GRID2: variants seen among roughly 807,000 people sequenced by gnomAD.
GRID2 encodes the protein glutamate receptor ionotropic, delta-2.
Under a neutral mutation model 114.8 loss-of-function variants are expected in GRID2, and 33 were observed. The observed-to-expected ratio is 0.29, with a 90% CI of 0.22 to 0.38. The LOEUF is 0.38. Among genes scored for constraint, GRID2 ranks in the 10% least tolerant of loss-of-function variants. The pLI is 1.00. For synonymous variants in GRID2, 505 were observed against 449.9 expected, an observed-to-expected ratio of 1.12 and a Z score of -1.55; for missense variants, 1,184 against 1,257.7, an observed-to-expected ratio of 0.94 and a Z score of 0.89.
At chr4:93,697,729 C>T (rs1301795519) in intron 14 of GRID2, among the ~76,000 whole-genome samples, 2 of 146,696 alleles carry the variant, frequency 1.4e-5, no homozygotes, top group Non-Finnish European at 3.0e-5. Flanking sequence ...TATTTTATAA[C>T]AAGGTGACTA....
intron 2 of GRID2, among the ~76,000 whole-genome samples, chr4:93,038,838 G>GGA (rs1725200314): frequency 6.6e-6 from 1 of 151,794 alleles, no homozygotes; most frequent in Admixed American, 6.6e-5. Context: ...GAGAGGATGT[G>GGA]GAGAAATAGG....
chr4:92,915,785 C>A (rs1217775451), intron 2 of GRID2, among the ~76,000 whole-genome samples: 2 of 151,930 alleles, frequency 1.3e-5, no homozygotes, highest in Non-Finnish European at 2.9e-5. Context: ...GTATCTCATT[C>A]TGGTTTTGAT....
In GRID2 at chr4:93,186,429, G is replaced by A. The variant is rs145197930; in HGVS notation, c.736-20975G>A. Among the ~76,000 whole-genome samples the A allele has an allele frequency of 8.5e-3, 1,288 of 151,838 alleles. 12 individuals are homozygous for A. The highest frequency in any genetic ancestry group is 0.024 in the African/African-American group (1,008 of 41,390). Reference sequence around the variant, plus strand: ...GTTGTTTCCTGACTTTTTAATGATCGCCATTCTAACTGCACACCAATTTTT... The same window carrying A: ...GTTGTTTCCTGACTTTTTAATGATCACCATTCTAACTGCACACCAATTTTT... On this transcript the variant is annotated intron_variant, in intron 4 of 15. Coordinates refer to ENST00000282020, the MANE Select transcript of GRID2 (RefSeq NM_001510.4).
chr4:92,489,691 C>A (rs1164625874), intron 1 of GRID2, among the ~76,000 whole-genome samples: 2 of 151,798 alleles, frequency 1.3e-5, no homozygotes, highest in Non-Finnish European at 2.9e-5. Context: ...ACTAAAAATA[C>A]AAAAACTAGC....
chr4:93,705,603 T>G (rs1054816503), intron 14 of GRID2, among the ~76,000 whole-genome samples: 3 of 152,208 alleles, frequency 2.0e-5, no homozygotes, highest in African/African-American at 7.2e-5. Context: ...AGATGGATAG[T>G]TTGCAAATAT....
intron 8 of GRID2, among the ~76,000 whole-genome samples, chr4:93,354,637 G>T (rs1761134872): frequency 6.7e-6 from 1 of 148,832 alleles, no homozygotes; most frequent in Non-Finnish European, 1.5e-5. Flanking sequence ...TAGGTATAAA[G>T]TTCAGATTAT....
At chr4:92,792,893 ATTTTT>A (rs11456511) in intron 2 of GRID2, among the ~76,000 whole-genome samples, 4 of 133,292 alleles carry the variant, frequency 3.0e-5, no homozygotes, top group East Asian at 2.2e-4. Context: ...CATAATATCC[ATTTTT>A]TTTTTTTTTT....
chr4:92,782,225 A>G (rs1025071140), intron 2 of GRID2, among the ~76,000 whole-genome samples: 4 of 152,042 alleles, frequency 2.6e-5, no homozygotes, highest in African/African-American at 7.2e-5. Flanking sequence ...AAATTTCTTC[A>G]GGAATTTGGG....
At chr4:93,045,702 C>T (rs1172925667) in intron 2 of GRID2, among the ~76,000 whole-genome samples, 1 of 152,120 alleles carries the variant, frequency 6.6e-6, no homozygotes, top group East Asian at 1.9e-4. Flanking sequence ...GCATCTTTCT[C>T]ATTTCCCACT....
chr4:92,347,451 C>A (rs1377902337), intron 1 of GRID2, among the ~76,000 whole-genome samples: 1 of 152,038 alleles, frequency 6.6e-6, no homozygotes, highest in Admixed American at 6.6e-5. Flanking sequence ...TGAGGATGAG[C>A]CTATTTACTT....
intron 2 of GRID2, among the ~76,000 whole-genome samples, chr4:92,770,422 CA>C (rs370270457): frequency 7.0e-4 from 107 of 152,274 alleles, no homozygotes; most frequent in African/African-American, 2.3e-3. Flanking sequence ...TACCCAATTC[CA>C]AAGTTGCTTC....
At chr4:92,879,822 T>C (rs530538258) in intron 2 of GRID2, among the ~76,000 whole-genome samples, 1 of 152,364 alleles carries the variant, frequency 6.6e-6, no homozygotes, top group East Asian at 1.9e-4. Context: ...CCTGGATTAG[T>C]GGTGAAACTC....
In GRID2 at chr4:92,673,091, A is replaced by C. The variant is rs181399888; in HGVS notation, c.244+82805A>C. On this transcript the variant is annotated intron_variant, in intron 2 of 15. Transcript: ENST00000282020. Reference sequence around the variant, plus strand: ...ATATGTGTCTTTGTGGGATTGGCTTATTTAAATTAATCAAGTCTTCTTTTT... The same window carrying C: ...ATATGTGTCTTTGTGGGATTGGCTTCTTTAAATTAATCAAGTCTTCTTTTT... Among the ~76,000 whole-genome samples the C allele has an allele frequency of 3.2e-4, 49 of 152,278 alleles. No homozygotes were observed. In the East Asian group the frequency reaches 7.3e-3, roughly 23 times the overall value.
chr4:93,597,275 T>C (rs11941512), intron 13 of GRID2, among the ~76,000 whole-genome samples: 5,670 of 152,266 alleles, frequency 0.037, 353 homozygotes, highest in African/African-American at 0.13. Context: ...CCTCATGTGA[T>C]AGTAACTATT....
At chr4:93,390,613 T>C (rs1347780784) in intron 8 of GRID2, among the ~76,000 whole-genome samples, 1 of 152,110 alleles carries the variant, frequency 6.6e-6, no homozygotes, top group East Asian at 1.9e-4. Flanking sequence ...TCTGAACTGG[T>C]ATGCTATATT....
intron 1 of GRID2, among the ~76,000 whole-genome samples, chr4:92,561,008 G>A (rs535829810): frequency 2.2e-3 from 338 of 152,062 alleles, no homozygotes; most frequent in African/African-American, 7.3e-3. Flanking sequence ...GCACCCGGCC[G>A]CTTTCTAATT....
chr4:92,871,024 T>C (rs185161214), intron 2 of GRID2, among the ~76,000 whole-genome samples: 14 of 152,246 alleles, frequency 9.2e-5, no homozygotes, highest in Non-Finnish European at 1.5e-4. Flanking sequence ...GATGGATATG[T>C]ATTTTCTCCT....
chr4:92,670,435 C>T (rs958346842), intron 2 of GRID2, among the ~76,000 whole-genome samples: 1 of 151,824 alleles, frequency 6.6e-6, no homozygotes, highest in South Asian at 2.1e-4. Context: ...GTTATTTCAT[C>T]TCATTATTCC....
At chr4:93,260,129 T>C (rs1750092463) in intron 8 of GRID2, among the ~76,000 whole-genome samples, 1 of 151,726 alleles carries the variant, frequency 6.6e-6, no homozygotes, top group Non-Finnish European at 1.5e-5. Context: ...AAGTGTGTTA[T>C]AAAAACCATT....
Sources: allele counts gnomAD v4.1 joint callset (sites outside exome capture counted in the v4.1 genomes callset), GRCh38; gene constraint gnomAD v4.1.1; transcripts MANE v1.5; gene names NCBI Gene and HGNC (gene_info 2026-07-23, HGNC 2026-07-21).